KPNA5: variants seen among roughly 807,000 people sequenced by gnomAD.
KPNA5 encodes the protein karyopherin subunit alpha 5, also known as importin subunit alpha-6.
Under a neutral mutation model 71.3 loss-of-function variants are expected in KPNA5, and 46 were observed. That is an observed-to-expected ratio of 0.65 (90% confidence interval 0.51 to 0.83). KPNA5 has a LOEUF of 0.83. Ranked by LOEUF, KPNA5 falls within the 40% of genes least tolerant of loss-of-function variation. The pLI is 0.00. For missense variants in KPNA5, 547 were observed against 628.3 expected (o/e 0.87, Z 1.38); for synonymous variants, 207 against 201.4 (o/e 1.03, Z -0.24).
At chr6:116,696,345 G>A (rs1778028491) in intron 4 of KPNA5, among the ~76,000 whole-genome samples, 1 of 152,148 alleles carries the variant, frequency 6.6e-6, no homozygotes, top group Non-Finnish European at 1.5e-5. Flanking sequence ...ATCTGTCAAA[G>A]TAGGAAATAT....
chr6:116,690,586 T>C (rs1217585705), intron 2 of KPNA5, among the ~76,000 whole-genome samples: 2 of 147,180 alleles, frequency 1.4e-5, no homozygotes, highest in African/African-American at 2.5e-5. Flanking sequence ...GAGTTTGCAG[T>C]GAGCCGAGTT....
At chr6:116,710,063 T>C (rs1033797169) in intron 7 of KPNA5, among the ~76,000 whole-genome samples, 13 of 152,316 alleles carry the variant, frequency 8.5e-5, no homozygotes, top group Admixed American at 2.6e-4. Flanking sequence ...CTGACCTGTT[T>C]AGTGTTTTTA....
chr6:116,709,208 G>T (rs1382295259), intron 7 of KPNA5, among the ~76,000 whole-genome samples: 2 of 152,142 alleles, frequency 1.3e-5, no homozygotes, highest in African/African-American at 4.8e-5. Context: ...TAGTTTCATT[G>T]CTGAGCATAA....
chr6:116,708,088 C>T lies in KPNA5; in HGVS notation c.656+2928C>T, dbSNP rs534073955. Among the ~76,000 whole-genome samples the T allele has an allele frequency of 8.9e-4, 136 of 152,258 alleles. 1 individual carries two copies. Among genetic ancestry groups the T allele is most frequent in the South Asian group, 1.7e-3 (8 of 4,826 alleles). On this transcript the variant is annotated intron_variant, in intron 7 of 13. Transcript: ENST00000368564. ...TATTATAGTGAATGTATCAGGATTTCGTTCTTTTTATGGCTGAATTATATT... is the reference window on the plus strand; with the variant it reads ...TATTATAGTGAATGTATCAGGATTTTGTTCTTTTTATGGCTGAATTATATT...
At chr6:116,702,214 G>A in intron 6 of KPNA5, 64 bp downstream of exon 6, 1 of 1,507,380 alleles carries the variant, frequency 6.6e-7, no homozygotes, top group African/African-American at 1.4e-5. Flanking sequence ...AGTACCATTT[G>A]TAATTACGAT....
chr6:116,712,080 CA>C (rs1229016259), intron 7 of KPNA5, among the ~76,000 whole-genome samples: 1 of 152,054 alleles, frequency 6.6e-6, no homozygotes, highest in African/African-American at 2.4e-5. Context: ...TAGCAGGGAC[CA>C]CAGACACGTG....
At chr6:116,710,894 T>TATATATATATATATA (rs57807333) in intron 7 of KPNA5, among the ~76,000 whole-genome samples, 1,558 of 78,732 alleles carry the variant, frequency 0.02, 97 homozygotes, top group South Asian at 0.026. Context: ...TATATATATA[T>TATATATATATATATA]TTTTTTTTTT....
At chr6:116,719,348 G>A (rs975348584) in intron 8 of KPNA5, among the ~76,000 whole-genome samples, 2 of 152,138 alleles carry the variant, frequency 1.3e-5, no homozygotes, top group Admixed American at 1.3e-4. Flanking sequence ...AATTTCGGAA[G>A]AAACTAAAAA....
At chr6:116,729,767 A>C in intron 13 of KPNA5, 26 bp downstream of exon 13, 1 of 1,400,624 alleles carries the variant, frequency 7.1e-7, no homozygotes, top group Middle Eastern at 2.1e-4. Flanking sequence ...AAAATTTGCA[A>C]TTATAGTCAG....
chr6:116,683,859 A>T (rs375534198), intron 1 of KPNA5, among the ~76,000 whole-genome samples: 2 of 145,034 alleles, frequency 1.4e-5, no homozygotes, highest in African/African-American at 5.1e-5. Context: ...GGCCTCCCAA[A>T]GTGCTGGGAT....
At chr6:116,693,043 T>C (rs1266299759) in intron 4 of KPNA5, among the ~76,000 whole-genome samples, 5 of 152,248 alleles carry the variant, frequency 3.3e-5, no homozygotes, top group African/African-American at 2.4e-5. Flanking sequence ...GCTTCATCCA[T>C]GTCCCTACAA....
intron 1 of KPNA5, among the ~76,000 whole-genome samples, chr6:116,685,451 G>A (rs867721757): frequency 6.6e-5 from 10 of 151,980 alleles, no homozygotes; most frequent in Admixed American, 1.3e-4. Context: ...TCCACCCTCC[G>A]GTAGGCCCCC....
intron 7 of KPNA5, among the ~76,000 whole-genome samples, chr6:116,708,326 A>C (rs1299970854): frequency 1.3e-5 from 2 of 152,206 alleles, no homozygotes; most frequent in Non-Finnish European, 2.9e-5. Context: ...GAGACTACCA[A>C]ACTTTTTCAC....
intron 6 of KPNA5, among the ~76,000 whole-genome samples, chr6:116,702,954 C>T (rs930317676): frequency 4.6e-5 from 7 of 152,010 alleles, no homozygotes; most frequent in Non-Finnish European, 1.0e-4. Context: ...TTTTTATGTA[C>T]ATAAATCTGT....
At chr6:116,714,115 C>T (rs1472647998) in intron 7 of KPNA5, among the ~76,000 whole-genome samples, 1 of 152,130 alleles carries the variant, frequency 6.6e-6, no homozygotes, top group Non-Finnish European at 1.5e-5. Flanking sequence ...TTGCATGCCT[C>T]ATAATTTCTT....
At chr6:116,709,494 A>G (rs1426340188) in intron 7 of KPNA5, among the ~76,000 whole-genome samples, 2 of 152,334 alleles carry the variant, frequency 1.3e-5, no homozygotes, top group South Asian at 2.1e-4. Flanking sequence ...ATTGCACTCT[A>G]GCCTGTGCAA....
In KPNA5 at chr6:116,692,097, T is replaced by C. The variant is rs1332803587; in HGVS notation, c.181T>C (p.Ser61Pro). The C allele has an allele frequency of 6.2e-7, 1 of 1,613,026 alleles. No homozygotes were observed. The highest frequency in any genetic ancestry group is 2.2e-5 in the East Asian group (1 of 44,782). The change falls in exon 3 of 14, where the codon TCT becomes CCT. Residue 61 changes from serine to proline, a missense_variant. Physicochemically the swap from Ser to Pro is moderately conservative, Grantham distance 74. Transcript: ENST00000368564. ...RNVYLPRNDE[S>P]MLESPIQDPD... is the part of the protein sequence containing the mutation. ...TGTCTATTTGCCCAGAAATGATGAA[T>C]CTATGCTTGAAAGTCCTATACAGGA...
intron 12 of KPNA5, among the ~76,000 whole-genome samples, chr6:116,727,024 G>C (rs1482383302): frequency 1.3e-5 from 2 of 151,902 alleles, no homozygotes; most frequent in Non-Finnish European, 2.9e-5. Context: ...GTGATGTTCT[G>C]GTCCTCATTG....
At chr6:116,690,793 G>A (rs1777770409) in intron 2 of KPNA5, among the ~76,000 whole-genome samples, 1 of 152,094 alleles carries the variant, frequency 6.6e-6, no homozygotes, top group Admixed American at 6.6e-5. Context: ...CTGATGCTCA[G>A]GTCCTTTATG....
Sources: allele counts gnomAD v4.1 joint callset (sites outside exome capture counted in the v4.1 genomes callset), GRCh38; gene constraint gnomAD v4.1.1; transcripts MANE v1.5; gene names NCBI Gene and HGNC (gene_info 2026-07-23, HGNC 2026-07-21).